Variants in DOCK4 observed in about 807,000 individuals in gnomAD.
DOCK4 encodes dedicator of cytokinesis 4.
A neutral mutation model predicts 268.1 loss-of-function variants in DOCK4; 97 were observed. That is an observed-to-expected ratio of 0.36 (90% CI 0.31 to 0.43). DOCK4 has a LOEUF of 0.43. Ranked by LOEUF, DOCK4 falls within the 20% of genes least tolerant of loss-of-function variation. The pLI, the probability that DOCK4 is intolerant of heterozygous loss-of-function variation, is 1.00. For missense variants in DOCK4, 2,145 were observed against 2,455.7 expected (o/e 0.87, Z 2.67); for synonymous variants, 954 against 887.2 (o/e 1.08, Z -1.34).
chr7:111,764,050 C>T (rs1797620085), intron 39 of DOCK4, among the ~76,000 whole-genome samples: 1 of 152,132 alleles, frequency 6.6e-6, no homozygotes, highest in South Asian at 2.1e-4. Context: ...CCTGCAAAGT[C>T]AGCTTTGTGA....
chr7:111,778,269 G>C lies in DOCK4; in HGVS notation c.3679+7C>G. The C allele has an allele frequency of 1.2e-6, 2 of 1,601,352 alleles. No homozygotes were observed. Among genetic ancestry groups the C allele is most frequent in the Non-Finnish European group, 1.7e-6 (2 of 1,168,990 alleles). On this transcript the variant is annotated splice_region_variant and intron_variant, in intron 36 of 52. Transcript: ENST00000428084. ...CCTTCCCAATCTGAGCCAAAAGACA[G>C]AATTACCTGTAAAGTTCTGTGCTTT...
chr7:112,115,340 G>A (rs143668647), intron 1 of DOCK4, among the ~76,000 whole-genome samples: 1 of 152,134 alleles, frequency 6.6e-6, no homozygotes, highest in African/African-American at 2.4e-5. Context: ...CAGTTCAGAC[G>A]CAGTGAGTCC....
intron 5 of DOCK4, among the ~76,000 whole-genome samples, chr7:111,992,922 AAG>A (rs1447075565): frequency 2.6e-5 from 4 of 152,222 alleles, no homozygotes; most frequent in African/African-American, 9.7e-5. Flanking sequence ...ACAAAAAAAA[AAG>A]AAAATTTAAA....
chr7:111,772,663 G>A (rs937692891), intron 36 of DOCK4, among the ~76,000 whole-genome samples: 3 of 151,976 alleles, frequency 2.0e-5, no homozygotes, highest in African/African-American at 2.4e-5. Flanking sequence ...TAGCATGGTG[G>A]CAGGCACCTG....
chr7:112,139,101 A>C (rs1332923591), intron 1 of DOCK4, among the ~76,000 whole-genome samples: 1 of 152,154 alleles, frequency 6.6e-6, no homozygotes, highest in Non-Finnish European at 1.5e-5. Context: ...CTAAGGCAGT[A>C]ATTGGTACCA....
chr7:111,939,984 T>G (rs954265558), intron 11 of DOCK4, 126 bp downstream of exon 11: 14 of 945,606 alleles, frequency 1.5e-5, no homozygotes, highest in East Asian at 5.2e-5. Flanking sequence ...GATTACTGGG[T>G]TTTTGAGGAA....
rs774792111 is a variant in DOCK4, at chr7:111,735,155, G to T, written c.5318C>A (p.Thr1773Asn). The part of the protein sequence containing the change: ...LSAPEKAVNP[T>N]PSSWSLDSGK... ...ACTGTCCAGGCTCCAGCTGCTAGGG[G>T]TGGGGTTCACAGCTGGAAGGGAATA... The change falls in exon 51 of 53, where the codon ACC becomes AAC. Residue 1773 changes from threonine to asparagine, a missense_variant. Physicochemically the swap from Thr to Asn is moderately conservative, Grantham distance 65. Coordinates refer to ENST00000428084, the MANE Select transcript of DOCK4 (RefSeq NM_001363540.2). 1.3e-6 allele frequency: 2 copies of T among 1,588,704 alleles called. No homozygotes were observed. Among genetic ancestry groups the T allele is most frequent in the African/African-American group, 2.7e-5 (2 of 74,626 alleles).
intron 2 of DOCK4, among the ~76,000 whole-genome samples, chr7:112,003,791 C>T (rs1364283557): frequency 6.6e-6 from 1 of 152,164 alleles, no homozygotes; most frequent in Non-Finnish European, 1.5e-5. Context: ...GAGTCAAGAA[C>T]TCCCACAGAT....
intron 51 of DOCK4, among the ~76,000 whole-genome samples, chr7:111,734,466 C>T (rs1203779909): frequency 6.6e-6 from 1 of 152,206 alleles, no homozygotes; most frequent in Non-Finnish European, 1.5e-5. Context: ...GTATTACAGG[C>T]ATAAGCCAAA....
intron 1 of DOCK4, among the ~76,000 whole-genome samples, chr7:112,119,702 C>T (rs1812546240): frequency 6.6e-6 from 1 of 152,182 alleles, no homozygotes. Flanking sequence ...CCTTGGGGAA[C>T]TCACTGATTC....
At position 112,054,568 on chromosome 7, in the gene DOCK4, C is replaced by CAAA. The variant is rs60712659; in HGVS notation, c.38-50440_38-50438dup. 1.6e-4 allele frequency among the ~76,000 whole-genome samples: 24 copies of CAAA among 148,252 alleles called. 1 individual carries two copies. Among genetic ancestry groups the CAAA allele is most frequent in the African/African-American group, 5.4e-4 (22 of 40,638 alleles). On this transcript the variant is annotated intron_variant, in intron 1 of 52. Transcript: ENST00000428084. ...CAAGCTCTGAACTAGGAATTACTGA[C>CAAA]AAAAAAAAACAAAACTACAAAATAA...
intron 30 of DOCK4, 189 bp downstream of exon 30, chr7:111,808,632 G>C: frequency 1.9e-6 from 1 of 525,336 alleles, no homozygotes; most frequent in Non-Finnish European, 3.3e-6. Flanking sequence ...ACTTTTCTTA[G>C]AGACCAATTT....
chr7:111,826,679 T>C (rs146014180), intron 26 of DOCK4, among the ~76,000 whole-genome samples: 229 of 152,066 alleles, frequency 1.5e-3, no homozygotes, highest in African/African-American at 5.4e-3. Flanking sequence ...GAGCTAATCA[T>C]TGGATACACA....
intron 1 of DOCK4, among the ~76,000 whole-genome samples, chr7:112,005,480 T>C (rs565967554): frequency 1.3e-5 from 2 of 152,316 alleles, no homozygotes; most frequent in South Asian, 4.1e-4. Context: ...ATTTTCTAAC[T>C]ATAACCATGA....
rs761582782 is a variant in DOCK4 at position 111,944,879 on chromosome 7, C to G, written c.784-8G>C. 105 of 1,613,704 alleles carry G rather than the reference C, an allele frequency of 6.5e-5. No individual in the cohort carries two copies. The highest frequency in any genetic ancestry group is 1.1e-5 in the South Asian group (1 of 91,074). ...CTCACTGCTGCCCAAATCCTACAAA[C>G]AAAGAAAGTTTGGTTATTTTGGAAG... On this transcript the variant is annotated splice_region_variant and splice_polypyrimidine_tract_variant and intron_variant, in intron 9 of 52. Transcript: ENST00000428084.
chr7:111,919,926 G>C (rs1792958872), intron 12 of DOCK4, among the ~76,000 whole-genome samples: 1 of 152,156 alleles, frequency 6.6e-6, no homozygotes, highest in African/African-American at 2.4e-5. Context: ...TATTTTTACA[G>C]TGGTCCTTAA....
chr7:111,757,515 AG>A (rs1797111787), intron 41 of DOCK4, among the ~76,000 whole-genome samples: 1 of 152,214 alleles, frequency 6.6e-6, no homozygotes, highest in Admixed American at 6.5e-5. Context: ...ATAAGTTTCC[AG>A]AAAAAACAAG....
At position 111,901,690 on chromosome 7, in the gene DOCK4, C is replaced by T. The variant is rs1791161571; in HGVS notation, c.1304G>A (p.Gly435Asp). ...EVTMFIVDSS[G>D]QTLKDFISFG... ...GTATTAACATACCTTCAGGGTTTGGCCACTACTGTCTACAATGAACATCGT... is the reference window on the plus strand; with the variant it reads ...GTATTAACATACCTTCAGGGTTTGGTCACTACTGTCTACAATGAACATCGT... The change falls in exon 14 of 53, where the codon GGC (glycine) becomes GAC (aspartate). Residue 435 changes from glycine to aspartate, a missense_variant. Physicochemically the swap from Gly to Asp is moderately conservative, Grantham distance 94. Around this residue, in one of 2 missense-constraint regions of DOCK4, gnomAD observed 1,598 missense variants for 1,986.7 expected, o/e 0.80. Transcript: ENST00000428084. 1.2e-6 allele frequency: 2 copies of T among 1,613,478 alleles called. No homozygotes were observed. The highest frequency in any genetic ancestry group is 2.2e-5 in the South Asian group (2 of 91,030).
rs1299738730 is a variant in DOCK4 at position 111,809,309 on chromosome 7, C to T, written c.3099G>A (p.Val1033=). ...TATACACTGATACTTACTTTTCTAACACCTTTTTCTTCTTGGAAGGTGTGA... is the reference window on the plus strand; with the variant it reads ...TATACACTGATACTTACTTTTCTAATACCTTTTTCTTCTTGGAAGGTGTGA... ...EMFTPSKKKK[V]LEKYGDMRVT... The change falls in exon 29 of 53, where the codon GTG becomes GTA. Residue 1033 remains valine, a synonymous_variant. Transcript: ENST00000428084. The T allele has an allele frequency of 6.4e-7, 1 of 1,556,510 alleles. No homozygotes were observed. Among genetic ancestry groups the T allele is most frequent in the African/African-American group, 1.4e-5 (1 of 73,516 alleles).
Sources: allele counts gnomAD v4.1 joint callset (sites outside exome capture counted in the v4.1 genomes callset), GRCh38; gene constraint gnomAD v4.1.1; regional missense constraint gnomAD v4.1.1; transcripts MANE v1.5; gene names NCBI Gene and HGNC (gene_info 2026-07-23, HGNC 2026-07-21).